The following ADGRV1 variants were observed in gnomAD, a reference collection of about 807,000 sequenced individuals.
The protein encoded by ADGRV1 is adhesion G protein-coupled receptor V1, also known as G-protein coupled receptor 98.
ADGRV1 carries 359 observed loss-of-function variants against 596.2 expected under a neutral mutation model. The observed-to-expected ratio is 0.60, with a 90% CI of 0.55 to 0.66. The LOEUF (loss-of-function observed/expected upper bound fraction) is 0.66. ADGRV1 is among the 30% of genes least tolerant of loss of function. The pLI is 0.00. For synonymous variants in ADGRV1, 2,681 were observed against 2,679.2 expected, an observed-to-expected ratio of 1.00 and a Z score of -0.02; for missense variants, 7,274 against 7,575.6, an observed-to-expected ratio of 0.96 and a Z score of 1.48.
intron 83 of ADGRV1, among the ~76,000 whole-genome samples, chr5:90,962,364 C>G (rs890121572): frequency 6.6e-5 from 10 of 152,156 alleles, no homozygotes; most frequent in African/African-American, 1.9e-4. Flanking sequence ...AACTGAGAAC[C>G]TTTGAAAAAT....
rs1267509576 is a variant in ADGRV1, at chr5:91,102,199, T to A, written c.18311-20T>A. ...GTGCAGTATTCTGAAGCTCAAAAAT[T>A]CTTTTTTTTTTATTTCTAGAAATTC... On this transcript the variant is annotated intron_variant, in intron 86 of 89. Transcript: ENST00000405460. The A allele has an allele frequency of 6.3e-7, 1 of 1,592,980 alleles. No homozygotes were observed. Among genetic ancestry groups the A allele is most frequent in the Non-Finnish European group, 8.6e-7 (1 of 1,168,144 alleles).
intron 70 of ADGRV1, 153 bp downstream of exon 70, chr5:90,791,499 T>C: frequency 1.7e-6 from 1 of 598,758 alleles, no homozygotes; most frequent in African/African-American, 1.9e-5. Flanking sequence ...TACTGGATAA[T>C]ACATTTGCAG....
chr5:90,563,220 C>T (rs1427760011), intron 1 of ADGRV1, among the ~76,000 whole-genome samples: 1 of 152,214 alleles, frequency 6.6e-6, no homozygotes, highest in Non-Finnish European at 1.5e-5. Context: ...CCCTGTCTGT[C>T]TTCAGTTTTG....
intron 87 of ADGRV1, among the ~76,000 whole-genome samples, chr5:91,142,300 A>G (rs1386441283): frequency 6.6e-6 from 1 of 152,180 alleles, no homozygotes; most frequent in Non-Finnish European, 1.5e-5. Context: ...AAAACAGTGA[A>G]CTGGACATGG....
At chr5:90,747,356 C>T (rs1345878281) in intron 52 of ADGRV1, among the ~76,000 whole-genome samples, 1 of 152,028 alleles carries the variant, frequency 6.6e-6, no homozygotes, top group Non-Finnish European at 1.5e-5. Flanking sequence ...CCATGACCAC[C>T]CACAGTTTCG....
Position 90,755,190 on chromosome 5 carries a change from G to A in ADGRV1, c.11580+5G>A. 6.3e-7 allele frequency: 1 copy of A among 1,587,962 alleles called. No individual in the cohort carries two copies. Among genetic ancestry groups the A allele is most frequent in the East Asian group, 2.2e-5 (1 of 44,744 alleles). On this transcript the variant is annotated splice_donor_5th_base_variant and intron_variant, in intron 55 of 89. Transcript: ENST00000405460. The stretch of plus-strand genomic sequence containing the variant: ...GCCGAAGTTTCCATTTTGCCGGTAA[G>A]TCAAGGCTGCAAAGAATGTGATCTA...
At chr5:91,086,290 ATTCAC>A (rs1276354538) in intron 86 of ADGRV1, among the ~76,000 whole-genome samples, 1 of 152,182 alleles carries the variant, frequency 6.6e-6, no homozygotes, top group Non-Finnish European at 1.5e-5. Context: ...TTTTGGATAC[ATTCAC>A]TTGGGTTTCT....
At chr5:90,707,850 C>A (rs573674040) in intron 38 of ADGRV1, among the ~76,000 whole-genome samples, 2 of 151,964 alleles carry the variant, frequency 1.3e-5, no homozygotes, top group African/African-American at 4.8e-5. Flanking sequence ...TAAGAGACTG[C>A]AGGCCTATGC....
Position 90,629,257 on chromosome 5 carries a change from A to AT in ADGRV1, c.1563dup (p.Pro522SerfsTer8), listed in dbSNP as rs763243011. ...GTGATGATGTCTATGGCCTAATAAC[A>AT]TTTTTTCCTATGGAAAACCAGAAGA... On this transcript the variant is annotated frameshift_variant, in exon 9 of 90. Coordinates refer to ENST00000405460, the MANE Select transcript of ADGRV1 (RefSeq NM_032119.4). LOFTEE classifies it high-confidence loss of function. The AT allele has an allele frequency of 3.1e-6, 5 of 1,611,798 alleles. No homozygotes were observed. In the South Asian group the frequency reaches 3.3e-5, roughly 11 times the overall value.
chr5:91,107,183 T>C (rs1791952831), intron 87 of ADGRV1, among the ~76,000 whole-genome samples: 1 of 149,376 alleles, frequency 6.7e-6, no homozygotes, highest in South Asian at 2.1e-4. Context: ...GTCTGGGAAC[T>C]ACAGTTTGAG....
At chr5:90,936,079 A>G (rs1247974581) in intron 83 of ADGRV1, among the ~76,000 whole-genome samples, 1 of 152,210 alleles carries the variant, frequency 6.6e-6, no homozygotes, top group African/African-American at 2.4e-5. Context: ...GTAATAAGTT[A>G]CCAGGATGCT....
At chr5:90,732,695 G>C (rs934848627) in intron 50 of ADGRV1, among the ~76,000 whole-genome samples, 3 of 152,168 alleles carry the variant, frequency 2.0e-5, no homozygotes, top group Admixed American at 6.5e-5. Flanking sequence ...ATATAAGTGA[G>C]ATCAGGCAGT....
intron 73 of ADGRV1, among the ~76,000 whole-genome samples, chr5:90,808,620 C>T (rs527454724): frequency 1.3e-5 from 2 of 152,346 alleles, no homozygotes; most frequent in East Asian, 1.9e-4. Flanking sequence ...CTTGGCCAGG[C>T]GTGGCGGCTC....
intron 79 of ADGRV1, among the ~76,000 whole-genome samples, chr5:90,851,130 T>TGAGA (rs1561847389): frequency 6.3e-5 from 5 of 79,810 alleles, no homozygotes; most frequent in East Asian, 9.4e-4. Context: ...TGTGTGTGTG[T>TGAGA]GTGTGAGAGA....
chr5:90,743,301 G>A (rs892580719), intron 50 of ADGRV1, among the ~76,000 whole-genome samples: 11 of 152,084 alleles, frequency 7.2e-5, no homozygotes, highest in Non-Finnish European at 1.5e-4. Context: ...TTGCTGAAGT[G>A]TGATAGTATT....
intron 86 of ADGRV1, among the ~76,000 whole-genome samples, chr5:91,097,864 A>G (rs867297540): frequency 2.6e-5 from 4 of 152,168 alleles, no homozygotes; most frequent in African/African-American, 4.8e-5. Flanking sequence ...GGCCATTTGT[A>G]TATCTTCTCA....
At chr5:90,725,483 A>G in intron 47 of ADGRV1, 66 bp from the exon 48 acceptor site, 1 of 876,150 alleles carries the variant, frequency 1.1e-6, no homozygotes, top group Non-Finnish European at 1.9e-6. Flanking sequence ...TCATGCTATT[A>G]GTGTGTTCAG....
At chr5:90,826,616 G>A (rs148919783) in intron 76 of ADGRV1, among the ~76,000 whole-genome samples, 3 of 152,240 alleles carry the variant, frequency 2.0e-5, no homozygotes, top group African/African-American at 7.2e-5. Context: ...GAGATGGTGA[G>A]TATTGAGATT....
chr5:90,614,202 A>T, intron 1 of ADGRV1: 1 of 387,120 alleles, frequency 2.6e-6, no homozygotes, highest in South Asian at 2.0e-5. Flanking sequence ...AAGGAAATAT[A>T]TACTTTGGCA....
Sources: allele counts gnomAD v4.1 joint callset (sites outside exome capture counted in the v4.1 genomes callset), GRCh38; gene constraint gnomAD v4.1.1; transcripts MANE v1.5; gene names NCBI Gene and HGNC (gene_info 2026-07-23, HGNC 2026-07-21).